The following THOC2 variants were observed in gnomAD, a reference collection of about 807,000 sequenced individuals.
THOC2 encodes the protein THO complex subunit 2.
Under a neutral mutation model 128.4 loss-of-function variants are expected in THOC2, and 10 were observed. The ratio of observed to expected loss-of-function variants is 0.08; its 90% CI spans 0.05 to 0.13. The LOEUF (loss-of-function observed/expected upper bound fraction) is 0.13, where lower values mean the gene tolerates loss of function less well. Ranked by LOEUF, THOC2 falls within the 10% of genes least tolerant of loss-of-function variation. The probability of loss-of-function intolerance (pLI) is 1.00; values close to 1 mark genes in which losing one functional copy is unlikely to be tolerated. For synonymous variants in THOC2, 393 were observed against 396.9 expected (o/e 0.99, Z 0.12); for missense variants, 535 against 1,155.7 (o/e 0.46, Z 7.79).
intron 9 of THOC2, among the ~76,000 whole-genome samples, chrX:123,671,340 G>C (rs1373983898): frequency 9.0e-6 from 1 of 111,474 alleles, no homozygotes; most frequent in Non-Finnish European, 1.9e-5. Flanking sequence ...AACCACATTG[G>C]TTAGAACTTG....
intron 23 of THOC2, among the ~76,000 whole-genome samples, 182 bp from the exon 24 acceptor site, chrX:123,626,844 C>T (rs1050935338): frequency 4.5e-5 from 5 of 112,024 alleles, no homozygotes; most frequent in Non-Finnish European, 9.4e-5. Flanking sequence ...ATGGCATCTT[C>T]ATACACCATC....
chrX:123,638,895 A>G, intron 17 of THOC2, 39 bp downstream of exon 17: 1 of 791,286 alleles, frequency 1.3e-6, no homozygotes, highest in Non-Finnish European at 1.8e-6. Context: ...ATGATCTATT[A>G]AATATGAAAT....
At position 123,671,693 on chromosome X, in the gene THOC2, A is replaced by C. The variant is rs1413249298; in HGVS notation, c.837T>G (p.Ile279Met). ...CATGTACATAAAGATCATCTAAATC[A>C]ATAAGATTAAATTGTAGAAGTACTG... ...VAAVLLQFNLIDLDDLYVHLL... is the reference protein window; with the variant it reads ...VAAVLLQFNLMDLDDLYVHLL... Residue 279 changes from isoleucine to methionine, a missense_variant, in exon 9 of 39, where the codon ATT becomes ATG. Transcript: ENST00000245838. The C allele has an allele frequency of 1.7e-6, 2 of 1,167,744 alleles. No homozygotes were observed. The highest frequency in any genetic ancestry group is 2.3e-6 in the Non-Finnish European group (2 of 866,687).
At chrX:123,621,040 T>C in intron 31 of THOC2, 75 bp from the exon 32 acceptor site, 5 of 1,183,314 alleles carry the variant, frequency 4.2e-6, no homozygotes, top group Non-Finnish European at 5.7e-6. Flanking sequence ...AAACACCAAC[T>C]TGTATGACAA....
chrX:123,653,974 T>C (rs1050163438), intron 12 of THOC2, among the ~76,000 whole-genome samples: 6 of 111,660 alleles, frequency 5.4e-5, no homozygotes, highest in African/African-American at 1.6e-4. Flanking sequence ...ACTGCAGCAC[T>C]GTTCACAATA....
chrX:123,694,131 GA>G (rs2050346124), intron 7 of THOC2, among the ~76,000 whole-genome samples: 1 of 107,686 alleles, frequency 9.3e-6, no homozygotes, highest in African/African-American at 3.4e-5. Context: ...AGAAATAGAA[GA>G]AACAGATGTC....
intron 38 of THOC2, among the ~76,000 whole-genome samples, chrX:123,607,209 A>AACAGAAGACGAGAAAAGATG (rs1345412408): frequency 3.6e-5 from 4 of 111,411 alleles, no homozygotes; most frequent in African/African-American, 1.3e-4. Flanking sequence ...TGCAACCAAA[A>AACAGAAGACGAGAAAAGATG]ACAGAAGACG....
intron 2 of THOC2, among the ~76,000 whole-genome samples, chrX:123,708,046 A>C (rs1290271790): frequency 1.8e-5 from 2 of 109,852 alleles, no homozygotes; most frequent in East Asian, 2.8e-4. Flanking sequence ...GCGGGAACTT[A>C]AGCCCAGGAG....
At chrX:123,650,013 AC>A (rs1334979525) in intron 12 of THOC2, among the ~76,000 whole-genome samples, 2 of 111,470 alleles carry the variant, frequency 1.8e-5, no homozygotes, top group East Asian at 5.6e-4. Context: ...CGTCAGATTC[AC>A]CAAGGTTGAA....
intron 6 of THOC2, 41 bp from the exon 7 acceptor site, chrX:123,696,195 T>G (rs2050439869): frequency 1.0e-6 from 1 of 980,241 alleles, no homozygotes; most frequent in African/African-American, 1.9e-5. Flanking sequence ...AAAATTAATT[T>G]TAATTAACAA....
chrX:123,673,004 C>T (rs1603293727), intron 8 of THOC2, among the ~76,000 whole-genome samples: 1 of 112,415 alleles, frequency 8.9e-6, no homozygotes. Flanking sequence ...TTTTTAAAAA[C>T]AGATGAGATG....
chrX:123,635,056 T>C (rs762609120), intron 19 of THOC2, among the ~76,000 whole-genome samples: 3 of 112,247 alleles, frequency 2.7e-5, no homozygotes, highest in African/African-American at 9.7e-5. Context: ...AAGATTCTTA[T>C]TAAATGTTTG....
intron 22 of THOC2, among the ~76,000 whole-genome samples, chrX:123,631,270 C>T (rs190427037): frequency 1.6e-3 from 175 of 112,192 alleles, no homozygotes; most frequent in African/African-American, 5.4e-3. Context: ...ACAAAGACGG[C>T]AAACAATTCT....
intron 18 of THOC2, 75 bp from the exon 19 acceptor site, chrX:123,636,250 A>C (rs2047670444): frequency 3.9e-6 from 3 of 764,456 alleles, no homozygotes; most frequent in Admixed American, 5.6e-5. Context: ...TAAACCTCTA[A>C]AACAAAATGA....
chrX:123,658,607 A>T (rs2048702490), intron 12 of THOC2, among the ~76,000 whole-genome samples: 1 of 112,712 alleles, frequency 8.9e-6, no homozygotes, highest in Admixed American at 9.4e-5. Context: ...TGAAAAGGCT[A>T]CATACTATCT....
At chrX:123,614,536 T>C (rs971653872) in intron 33 of THOC2, among the ~76,000 whole-genome samples, 1 of 108,374 alleles carries the variant, frequency 9.2e-6, no homozygotes, top group African/African-American at 3.3e-5. Flanking sequence ...GTTTCTCTAC[T>C]GTTTAAAAAA....
rs143418114 is a variant in THOC2, at chrX:123,648,067, G to A, written c.1387-2692C>T. 1.0e-2 allele frequency among the ~76,000 whole-genome samples: 1,102 copies of A among 110,650 alleles called. 8 individuals carry two copies. Among genetic ancestry groups the A allele is most frequent in the Non-Finnish European group, 0.016 (863 of 52,835 alleles). On this transcript the variant is annotated intron_variant, in intron 12 of 38. Coordinates refer to ENST00000245838, the MANE Select transcript of THOC2 (RefSeq NM_001081550.2). ...GTCTGCAGCTCCCAACAAGATCAACGAAGAAGGTGAATGATTTCTGCATTT... is the reference window on the plus strand; with the variant it reads ...GTCTGCAGCTCCCAACAAGATCAACAAAGAAGGTGAATGATTTCTGCATTT...
At position 123,645,381 on chromosome X, in the gene THOC2, AT is replaced by A; in HGVS notation, c.1387-7del. ...TTGCTTCCATCAGACTGAAACTACA[AT>A]TTAAAAAAAGAAATTAATAAAATAC... On this transcript the variant is annotated splice_region_variant and splice_polypyrimidine_tract_variant and intron_variant, in intron 12 of 38. Coordinates refer to ENST00000245838, the MANE Select transcript of THOC2 (RefSeq NM_001081550.2). 1 of 1,057,609 alleles carries A rather than the reference AT, an allele frequency of 9.5e-7. No individual in the cohort carries two copies. The highest frequency in any genetic ancestry group is 1.3e-6 in the Non-Finnish European group (1 of 779,320). The allele number at this position is 1,057,609 out of a possible 1,213,427, so 87.2% of individuals were successfully genotyped here.
rs2049066117 is a variant in THOC2 at position 123,666,783 on chromosome X, C to T, written c.1190+323G>A. 2.7e-5 allele frequency among the ~76,000 whole-genome samples: 3 copies of T among 111,468 alleles called. No homozygotes were observed. The South Asian group carries it at 1.1e-3, about 43-fold the overall frequency. Reference sequence around the variant, plus strand: ...AAGAAAAAACCTCAGGAATTCTTTGCCCCTCCCACCCACTGAAAGGAGGGA... The same window carrying T: ...AAGAAAAAACCTCAGGAATTCTTTGTCCCTCCCACCCACTGAAAGGAGGGA... On this transcript the variant is annotated intron_variant, in intron 11 of 38. Transcript: ENST00000245838.
Sources: gnomAD v4.1 joint callset for allele counts (sites outside exome capture counted in the v4.1 genomes callset) on GRCh38, gnomAD v4.1.1 for gene constraint, MANE v1.5 for transcripts, NCBI Gene and HGNC (gene_info 2026-07-23, HGNC 2026-07-21) for gene names.